The following TAS2R1 variants were observed in gnomAD, a reference collection of about 807,000 sequenced individuals.
The protein encoded by TAS2R1 is taste 2 receptor member 1.
For synonymous variants in TAS2R1, 141 were observed against 134.2 expected (o/e 1.05, Z -0.35); for missense variants, 370 against 353.4 (o/e 1.05, Z -0.38).
the TAS2R1 span, among the ~76,000 whole-genome samples, chr5:9,790,358 A>G: frequency 6.6e-6 from 1 of 152,098 alleles, no homozygotes; most frequent in Non-Finnish European, 1.5e-5. Flanking sequence ...AGATAATTTA[A>G]ACATCAATTA....
At chr5:9,796,238 G>T in the TAS2R1 span, among the ~76,000 whole-genome samples, 1 of 152,200 alleles carries the variant, frequency 6.6e-6, no homozygotes, top group Admixed American at 6.5e-5. Flanking sequence ...AAAAATGCTT[G>T]CTAAACAGAT....
At chr5:9,785,112 G>A in the TAS2R1 span, among the ~76,000 whole-genome samples, 1 of 152,210 alleles carries the variant, frequency 6.6e-6, no homozygotes, top group East Asian at 1.9e-4. Context: ...TATCTTACAT[G>A]CCCTTTTCAC....
the TAS2R1 span, among the ~76,000 whole-genome samples, chr5:9,774,914 G>T: frequency 6.6e-6 from 1 of 152,192 alleles, no homozygotes; most frequent in Admixed American, 6.5e-5. Context: ...ACCTAGGACT[G>T]GTGTAACCAC....
At chr5:9,874,630 G>T in the TAS2R1 span, among the ~76,000 whole-genome samples, 1 of 152,078 alleles carries the variant, frequency 6.6e-6, no homozygotes, top group African/African-American at 2.4e-5. Flanking sequence ...TTTTATTCCT[G>T]ATCCATAGTT....
intron 1 of TAS2R1, among the ~76,000 whole-genome samples, chr5:9,682,118 A>G (rs1741005707): frequency 6.6e-6 from 1 of 152,236 alleles, no homozygotes; most frequent in African/African-American, 2.4e-5. Context: ...GGACACATTA[A>G]ATGAGAGTAT....
the TAS2R1 span, among the ~76,000 whole-genome samples, chr5:9,798,465 T>C: frequency 3.3e-5 from 5 of 152,250 alleles, no homozygotes; most frequent in African/African-American, 1.2e-4. Context: ...GTAGGAAATG[T>C]TGTAGAAAGA....
the TAS2R1 span, among the ~76,000 whole-genome samples, chr5:9,758,907 G>T: frequency 6.6e-6 from 1 of 152,096 alleles, no homozygotes; most frequent in African/African-American, 2.4e-5. Flanking sequence ...AAAATAAACA[G>T]GGGTGAACAG....
chr5:9,633,711 AT>A (rs1039729091), upstream of TAS2R1, among the ~76,000 whole-genome samples: 3 of 150,852 alleles, frequency 2.0e-5, no homozygotes, highest in East Asian at 5.9e-4. Context: ...GATGTTGAGC[AT>A]TTTTTTCATA....
the TAS2R1 span, among the ~76,000 whole-genome samples, chr5:9,826,572 A>G: frequency 9.8e-3 from 1,492 of 152,344 alleles, 64 homozygotes; most frequent in Admixed American, 0.07. Context: ...GAAATACATT[A>G]ATTAGTAAAT....
intron 1 of TAS2R1, among the ~76,000 whole-genome samples, chr5:9,695,332 A>G (rs1241392455): frequency 6.6e-6 from 1 of 152,226 alleles, no homozygotes; most frequent in Non-Finnish European, 1.5e-5. Context: ...AAAATTTATA[A>G]TGAAACGAAC....
At chr5:9,824,480 G>C in the TAS2R1 span, among the ~76,000 whole-genome samples, 1 of 152,240 alleles carries the variant, frequency 6.6e-6, no homozygotes, top group Admixed American at 6.5e-5. Flanking sequence ...CTATAAACTG[G>C]AAATGAGGCC....
At chr5:9,856,842 T>C in the TAS2R1 span, among the ~76,000 whole-genome samples, 2 of 152,196 alleles carry the variant, frequency 1.3e-5, no homozygotes, top group African/African-American at 2.4e-5. Context: ...CCCATGTTTA[T>C]TGCAGCACTA....
At chr5:9,748,925 A>C in the TAS2R1 span, among the ~76,000 whole-genome samples, 39 of 152,086 alleles carry the variant, frequency 2.6e-4, no homozygotes, top group Non-Finnish European at 4.9e-4. Flanking sequence ...CCCAAACACC[A>C]AAAATACCCC....
chr5:9,894,760 C>T, the TAS2R1 span, among the ~76,000 whole-genome samples: 1 of 152,328 alleles, frequency 6.6e-6, no homozygotes, highest in East Asian at 1.9e-4. Context: ...AGGTCATCAG[C>T]CCCAAGGCCA....
At chr5:9,844,053 C>T in the TAS2R1 span, among the ~76,000 whole-genome samples, 1 of 152,102 alleles carries the variant, frequency 6.6e-6, no homozygotes, top group African/African-American at 2.4e-5. Context: ...AGACAGAATC[C>T]TACATAATGT....
chr5:9,730,188 CAT>C, the TAS2R1 span, among the ~76,000 whole-genome samples: 4 of 152,268 alleles, frequency 2.6e-5, no homozygotes, highest in African/African-American at 7.2e-5. Context: ...ATGGATTCCA[CAT>C]GTTACTGAGA....
intron 1 of TAS2R1, among the ~76,000 whole-genome samples, chr5:9,694,012 T>G (rs1487474098): frequency 2.0e-5 from 3 of 152,210 alleles, no homozygotes; most frequent in African/African-American, 4.8e-5. Context: ...AAGAACGAGC[T>G]TTTTAGTTTT....
At chr5:9,875,617 T>C in the TAS2R1 span, among the ~76,000 whole-genome samples, 2 of 152,222 alleles carry the variant, frequency 1.3e-5, no homozygotes, top group African/African-American at 4.8e-5. Flanking sequence ...TCTGGTGCAC[T>C]ACTGGCCAGC....
At chr5:9,680,040 G>A (rs1475976590) in intron 1 of TAS2R1, among the ~76,000 whole-genome samples, 1 of 152,150 alleles carries the variant, frequency 6.6e-6, no homozygotes, top group Admixed American at 6.5e-5. Context: ...TAGTAAGGAA[G>A]TGTTTAAAGG....
Sources: allele counts gnomAD v4.1 joint callset (sites outside exome capture counted in the v4.1 genomes callset), GRCh38; gene constraint gnomAD v4.1.1; transcripts MANE v1.5; gene names NCBI Gene and HGNC (gene_info 2026-07-23, HGNC 2026-07-21).